ZNF469: variants seen among roughly 807,000 people sequenced by gnomAD.
ZNF469 encodes zinc finger protein 469.
Under a neutral mutation model 1.0 loss-of-function variants are expected in ZNF469, and 1 was observed. The ratio of observed to expected loss-of-function variants is 1.00; its 90% CI spans 0.35 to 4.73. ZNF469 has a LOEUF of 4.73. ZNF469 is among the 30% of genes most tolerant of loss of function. The pLI, the probability that ZNF469 is intolerant of heterozygous loss-of-function variation, is 0.16. For synonymous variants in ZNF469, 2,703 were observed against 2,363.4 expected, an observed-to-expected ratio of 1.14 and a Z score of -4.17; for missense variants, 6,100 against 5,356.3, an observed-to-expected ratio of 1.14 and a Z score of -4.33.
In ZNF469 at chr16:88,431,367, C is replaced by G; in HGVS notation, c.3897C>G (p.Gly1299=). The stretch of plus-strand genomic sequence containing the variant: ...GAAGCTCGCCAACGCCAGGTGTGGG[C>G]AGCCTGCTGGGTGGTCCTGGGGGCA... ...PHGSSPTPGV[G]SLLGGPGGTQ... Residue 1299 remains glycine (G), a synonymous_variant, in exon 3 of 3, where the codon GGC becomes GGG. Transcript: ENST00000565624. 1 of 1,549,878 alleles carries G rather than the reference C, an allele frequency of 6.5e-7. No homozygotes were observed. Among genetic ancestry groups the G allele is most frequent in the South Asian group, 1.2e-5 (1 of 84,058 alleles).
At chr16:88,235,401 G>A in the ZNF469 span, among the ~76,000 whole-genome samples, 6 of 150,958 alleles carry the variant, frequency 4.0e-5, no homozygotes, top group Non-Finnish European at 8.8e-5. Flanking sequence ...CACCTGGAGC[G>A]CGGAACTGGG....
At chr16:88,174,070 AG>A in the ZNF469 span, among the ~76,000 whole-genome samples, 1 of 152,202 alleles carries the variant, frequency 6.6e-6, no homozygotes, top group African/African-American at 2.4e-5. Flanking sequence ...ACAGTAAAGA[AG>A]GAAGACCGAA....
At chr16:88,274,211 T>C in the ZNF469 span, among the ~76,000 whole-genome samples, 1 of 152,160 alleles carries the variant, frequency 6.6e-6, no homozygotes, top group Non-Finnish European at 1.5e-5. Flanking sequence ...AGACAAAAAC[T>C]GTCTAATACC....
At chr16:88,113,519 G>A in the ZNF469 span, among the ~76,000 whole-genome samples, 2 of 152,206 alleles carry the variant, frequency 1.3e-5, no homozygotes, top group East Asian at 1.9e-4. Context: ...CCCTGTGGAC[G>A]CAGGACGTGA....
the ZNF469 span, among the ~76,000 whole-genome samples, chr16:88,338,691 A>G: frequency 1.2e-4 from 19 of 152,152 alleles, no homozygotes; most frequent in Non-Finnish European, 2.5e-4. Context: ...ATTAGTTAAG[A>G]TGAGATCAGG....
At chr16:88,112,210 G>A in the ZNF469 span, among the ~76,000 whole-genome samples, 2 of 152,184 alleles carry the variant, frequency 1.3e-5, no homozygotes. Flanking sequence ...GGCTGAGGTG[G>A]GTGGATCCCT....
chr16:88,384,489 G>A (rs1599342286), intron 1 of ZNF469, among the ~76,000 whole-genome samples: 1 of 152,232 alleles, frequency 6.6e-6, no homozygotes, highest in Non-Finnish European at 1.5e-5. Flanking sequence ...GTTTTAGGAA[G>A]GGCAGCCAGG....
chr16:88,164,094 C>T, the ZNF469 span, among the ~76,000 whole-genome samples: 18,268 of 136,766 alleles, frequency 0.13, 1,202 homozygotes, highest in South Asian at 0.2. Context: ...GGTGGATGAA[C>T]GGGGTCAGTG....
At position 88,432,680 on chromosome 16, in the gene ZNF469, G is replaced by A. The variant is rs1906283884; in HGVS notation, c.5210G>A (p.Ser1737Asn). ...CCTGGCCCACAGCTGGATGCCGGGA[G>A]TTTAGCAAAGTGCAGCCCCGACCAG... is the stretch of plus-strand genomic sequence containing the variant. ...KQPGPQLDAGSLAKCSPDQEL... is the reference protein window; with the variant it reads ...KQPGPQLDAGNLAKCSPDQEL... The change falls in exon 3 of 3, where the codon AGT (serine) becomes AAT (asparagine). Residue 1737 changes from serine to asparagine, a missense_variant. Coordinates refer to ENST00000565624, the MANE Select transcript of ZNF469 (RefSeq NM_001367624.2). The A allele has an allele frequency of 2.6e-6, 4 of 1,550,436 alleles. No individual in the cohort carries two copies. The highest frequency in any genetic ancestry group is 2.7e-5 in the African/African-American group (2 of 73,178).
Position 88,433,884 on chromosome 16 carries a change from G to C in ZNF469, c.6414G>C (p.Ser2138=). ...GPLPREDPLT[S]PSRAQGGLGG... is the part of the protein sequence containing the mutation. The stretch of plus-strand genomic sequence containing the variant: ...TGCCCCGTGAAGACCCACTTACCTC[G>C]CCTTCCAGGGCCCAAGGTGGGCTGG... The change falls in exon 3 of 3, where the codon TCG becomes TCC. Residue 2138 remains serine, a synonymous_variant. Transcript: ENST00000565624. The C allele has an allele frequency of 6.5e-7, 1 of 1,548,436 alleles. No homozygotes were observed.
At chr16:88,140,778 C>T in the ZNF469 span, among the ~76,000 whole-genome samples, 2 of 152,090 alleles carry the variant, frequency 1.3e-5, no homozygotes, top group Non-Finnish European at 2.9e-5. Flanking sequence ...CTAAAAAATA[C>T]AAAAGTTAGC....
At chr16:88,400,244 C>T (rs11648137) in intron 1 of ZNF469, among the ~76,000 whole-genome samples, 49,041 of 152,178 alleles carry the variant, frequency 0.32, 8,384 homozygotes, top group Non-Finnish European at 0.39. Context: ...CCCTAGCTCA[C>T]ACGGGACCCT....
the ZNF469 span, among the ~76,000 whole-genome samples, chr16:88,130,817 G>C: frequency 6.6e-6 from 1 of 152,186 alleles, no homozygotes; most frequent in African/African-American, 2.4e-5. Context: ...ACCTCGGCTG[G>C]TCTCAGCGCA....
the ZNF469 span, among the ~76,000 whole-genome samples, chr16:88,146,544 C>A: frequency 6.6e-6 from 1 of 152,106 alleles, no homozygotes; most frequent in Admixed American, 6.5e-5. Context: ...GTTTTCTGGG[C>A]TCCTGGGAAA....
chr16:88,141,323 G>A, the ZNF469 span, among the ~76,000 whole-genome samples: 1 of 152,188 alleles, frequency 6.6e-6, no homozygotes, highest in Non-Finnish European at 1.5e-5. Context: ...GAAGACAAGA[G>A]TCGGACTAGG....
chr16:88,421,808 C>G (rs1905468177), intron 1 of ZNF469, among the ~76,000 whole-genome samples: 1 of 152,230 alleles, frequency 6.6e-6, no homozygotes. Flanking sequence ...GACCTTGGAC[C>G]CGTCACACCA....
the ZNF469 span, among the ~76,000 whole-genome samples, chr16:88,101,544 C>CT: frequency 0.58 from 83,920 of 143,784 alleles, 24,329 homozygotes; most frequent in Middle Eastern, 0.71. Context: ...TCTCATTACG[C>CT]TTTTTTTTTT....
the ZNF469 span, among the ~76,000 whole-genome samples, chr16:88,370,124 C>G: frequency 6.6e-6 from 1 of 152,248 alleles, no homozygotes; most frequent in Non-Finnish European, 1.5e-5. Flanking sequence ...TCCCACTGTT[C>G]CCAGGAGCAT....
chr16:88,360,606 G>A, the ZNF469 span, among the ~76,000 whole-genome samples: 3 of 106,908 alleles, frequency 2.8e-5, no homozygotes, highest in African/African-American at 4.4e-5. Context: ...CCCAGACAGC[G>A]CCCGCATGCT....
Sources: gnomAD v4.1 joint callset for allele counts (sites outside exome capture counted in the v4.1 genomes callset) on GRCh38, gnomAD v4.1.1 for gene constraint, MANE v1.5 for transcripts, NCBI Gene and HGNC (gene_info 2026-07-23, HGNC 2026-07-21) for gene names.